TRIM55: variants seen among roughly 807,000 people sequenced by gnomAD.
TRIM55 encodes tripartite motif-containing protein 55.
A neutral mutation model predicts 60.9 loss-of-function variants in TRIM55; 50 were observed. The ratio of observed to expected loss-of-function variants is 0.82; its 90% CI spans 0.65 to 1.04. TRIM55 has a LOEUF of 1.04. Among genes scored for constraint, TRIM55 ranks in the 50% least tolerant of loss-of-function variants. The probability of loss-of-function intolerance (pLI) is 0.00; values close to 1 mark genes in which losing one functional copy is unlikely to be tolerated. For missense variants in TRIM55, 681 were observed against 666.9 expected (o/e 1.02, Z -0.23); for synonymous variants, 237 against 238.1 (o/e 1.00, Z 0.04).
intron 3 of TRIM55, among the ~76,000 whole-genome samples, chr8:66,136,536 G>C (rs1809490473): frequency 1.3e-5 from 2 of 152,258 alleles, no homozygotes; most frequent in South Asian, 2.1e-4. Context: ...TCTTGGGAAG[G>C]GGGTAAATAG....
chr8:66,151,616 T>G (rs1563380387), intron 7 of TRIM55, among the ~76,000 whole-genome samples: 1 of 151,898 alleles, frequency 6.6e-6, no homozygotes, highest in African/African-American at 2.4e-5. Flanking sequence ...CCAAGGCGGG[T>G]GGATCACTTA....
At position 66,135,301 on chromosome 8, in the gene TRIM55, CTGCAGGAAGACATGTGCACAGTTG is replaced by C. The variant is rs1361684519; in HGVS notation, c.507+151_507+174del. ...TGGGACACTGGAGGGCACACAAGGTCTGCAGGAAGACATGTGCACAGTTGTGCACGAGGCACACACCAAATTCCC... is the reference window on the plus strand; with the variant it reads ...TGGGACACTGGAGGGCACACAAGGTCTGCACGAGGCACACACCAAATTCCC... On this transcript the variant is annotated intron_variant, in intron 3 of 9. Transcript: ENST00000315962. 1.5e-5 allele frequency: 12 copies of C among 807,360 alleles called. No individual in the cohort carries two copies. The East Asian group carries it at 3.0e-4, about 20-fold the overall frequency. 50.0% of individuals were successfully genotyped at this position (807,360 alleles called of 1,614,324 possible). A position where few individuals can be genotyped will look rare whatever the true frequency, so the allele number is the denominator to read the frequency against.
intron 4 of TRIM55, among the ~76,000 whole-genome samples, chr8:66,138,531 AG>A (rs1477934460): frequency 2.0e-5 from 3 of 152,140 alleles, no homozygotes; most frequent in Non-Finnish European, 4.4e-5. Flanking sequence ...CTGGGATTAC[AG>A]GCTCCCGCCA....
At chr8:66,153,632 AG>A (rs1167616669) in intron 8 of TRIM55, among the ~76,000 whole-genome samples, 1 of 151,334 alleles carries the variant, frequency 6.6e-6, no homozygotes, top group Non-Finnish European at 1.5e-5. Flanking sequence ...TAACTAAGTG[AG>A]GGTTGGATTT....
intron 4 of TRIM55, among the ~76,000 whole-genome samples, chr8:66,142,592 A>G (rs940202317): frequency 1.3e-5 from 2 of 152,262 alleles, no homozygotes; most frequent in African/African-American, 4.8e-5. Flanking sequence ...CTTAGCCCAG[A>G]AAAACCAAAA....
the TRIM55 span, among the ~76,000 whole-genome samples, chr8:66,115,759 C>A: frequency 6.6e-6 from 1 of 152,202 alleles, no homozygotes; most frequent in African/African-American, 2.4e-5. Flanking sequence ...TGACCACAGG[C>A]AGGTTGCTTG....
At chr8:66,154,527 C>T (rs1028634286) in intron 9 of TRIM55, among the ~76,000 whole-genome samples, 193 bp downstream of exon 9, 1 of 152,166 alleles carries the variant, frequency 6.6e-6, no homozygotes, top group South Asian at 2.1e-4. Context: ...TAAAACAAAA[C>T]AAATTTGAGT....
chr8:66,159,320 C>G (rs1025944806), intron 9 of TRIM55, among the ~76,000 whole-genome samples: 2 of 152,166 alleles, frequency 1.3e-5, no homozygotes, highest in African/African-American at 4.8e-5. Context: ...CTTTTTTTCA[C>G]TTAGCATAAT....
chr8:66,154,095 C>T lies in TRIM55; in HGVS notation c.1285C>T (p.Pro429Ser). The T allele has an allele frequency of 6.2e-7, 1 of 1,614,004 alleles. No individual in the cohort carries two copies. The highest frequency in any genetic ancestry group is 8.5e-7 in the Non-Finnish European group (1 of 1,180,004). The stretch of plus-strand genomic sequence containing the variant: ...TGAGCAGACCACAGAGTCTGAAACT[C>T]CAGTCCCTGCAGCAGCAGAAACTGC... ...GSEQTTESET[P>S]VPAAAETADP... Residue 429 changes from proline to serine, a missense_variant, in exon 9 of 10, where the codon CCA (proline) becomes TCA (serine). Physicochemically the swap from Pro to Ser is moderately conservative, Grantham distance 74 (BLOSUM62 -1). Transcript: ENST00000315962.
Position 66,152,371 on chromosome 8 carries a change from T to C in TRIM55, c.986-6T>C. On this transcript the variant is annotated splice_polypyrimidine_tract_variant and splice_region_variant and intron_variant, in intron 7 of 9. Coordinates refer to ENST00000315962, the MANE Select transcript of TRIM55 (RefSeq NM_184085.2). Reference sequence around the variant, plus strand: ...TAACAATTTACAAGATACCTTACCTTACCAGAAGATGAAGATGAAGAAGAA... The same window carrying C: ...TAACAATTTACAAGATACCTTACCTCACCAGAAGATGAAGATGAAGAAGAA... The C allele has an allele frequency of 1.3e-6, 2 of 1,571,570 alleles. No individual in the cohort carries two copies. The highest frequency in any genetic ancestry group is 1.2e-5 in the South Asian group (1 of 86,810).
At chr8:66,155,654 T>A in intron 9 of TRIM55, 1 of 1,613,218 alleles carries the variant, frequency 6.2e-7, no homozygotes, top group Non-Finnish European at 8.5e-7. Context: ...CTTTTGGCTT[T>A]TCTTATTCTT....
chr8:66,155,089 G>A (rs1810663758), intron 9 of TRIM55, among the ~76,000 whole-genome samples: 2 of 152,184 alleles, frequency 1.3e-5, no homozygotes, highest in Admixed American at 6.5e-5. Flanking sequence ...ATACTCATGA[G>A]CATTCTTAAA....
intron 7 of TRIM55, among the ~76,000 whole-genome samples, chr8:66,151,717 G>A (rs1810429857): frequency 6.6e-6 from 1 of 152,044 alleles, no homozygotes; most frequent in Admixed American, 6.5e-5. Flanking sequence ...GGTGGCGTAC[G>A]CCTGTAATCC....
the TRIM55 span, chr8:66,114,662 G>T: frequency 4.4e-6 from 2 of 456,228 alleles, no homozygotes; most frequent in Non-Finnish European, 8.8e-6. Context: ...TACTTTGAAC[G>T]TTTGCTCAAC....
At chr8:66,125,233 A>G (rs1360678244), upstream of TRIM55, among the ~76,000 whole-genome samples, 1 of 152,230 alleles carries the variant, frequency 6.6e-6, no homozygotes, top group East Asian at 1.9e-4. Context: ...TTCTCGATTG[A>G]GACCTGTCTC....
chr8:66,163,618 G>C (rs1442235453), intron 9 of TRIM55, among the ~76,000 whole-genome samples: 3 of 152,150 alleles, frequency 2.0e-5, no homozygotes, highest in African/African-American at 7.2e-5. Flanking sequence ...TAATTCTGTT[G>C]TGGAGAAAGA....
rs1272564437 is a variant in TRIM55, at chr8:66,154,323, G to T, written c.1513G>T (p.Ala505Ser). The T allele has an allele frequency of 6.2e-7, 1 of 1,613,862 alleles. No individual in the cohort carries two copies. The highest frequency in any genetic ancestry group is 2.2e-5 in the East Asian group (1 of 44,886). The stretch of plus-strand genomic sequence containing the variant: ...TGGTAAGGAAACTAGTGCACCTGCA[G>T]CTACTTCTCAGGTTAGTGATGATGC... ...VSGKETSAPA[A>S]TSQIGFEAPP... The change falls in exon 9 of 10, where the codon GCT becomes TCT. Residue 505 changes from alanine to serine, a missense_variant. By Grantham distance (99) the Ala-to-Ser change is moderately conservative. Transcript: ENST00000315962.
intron 9 of TRIM55, among the ~76,000 whole-genome samples, chr8:66,172,817 T>C (rs902946617): frequency 3.9e-5 from 6 of 152,228 alleles, no homozygotes; most frequent in African/African-American, 1.4e-4. Flanking sequence ...AAATGGACCT[T>C]GATGGTCTGT....
At chr8:66,121,518 A>G in the TRIM55 span, among the ~76,000 whole-genome samples, 1 of 152,228 alleles carries the variant, frequency 6.6e-6, no homozygotes, top group Non-Finnish European at 1.5e-5. Flanking sequence ...TCACCTAAAG[A>G]TTTCTTGTAC....
Sources: allele counts gnomAD v4.1 joint callset (sites outside exome capture counted in the v4.1 genomes callset), GRCh38; gene constraint gnomAD v4.1.1; transcripts MANE v1.5; gene names NCBI Gene and HGNC (gene_info 2026-07-23, HGNC 2026-07-21).